The following METTL22 variants were observed in gnomAD, a reference collection of about 807,000 sequenced individuals.
METTL22 encodes methyltransferase-like protein 22.
METTL22 carries 51 observed loss-of-function variants against 48.4 expected under a neutral mutation model. That is an observed-to-expected ratio of 1.05 (90% confidence interval 0.84 to 1.33). METTL22 has a LOEUF of 1.33. Ranked by LOEUF, METTL22 falls within the 40% of genes most tolerant of loss-of-function variation. The pLI is 0.00. For missense variants in METTL22, 678 were observed against 526.9 expected (o/e 1.29, Z -2.81); for synonymous variants, 255 against 214.1 (o/e 1.19, Z -1.67).
intron 3 of METTL22, among the ~76,000 whole-genome samples, chr16:8,632,299 G>T (rs1482202792): frequency 6.6e-6 from 1 of 152,174 alleles, no homozygotes; most frequent in African/African-American, 2.4e-5. Flanking sequence ...AGCATCAGCA[G>T]AAAGCACATC....
chr16:8,633,082 G>A (rs1288521272), intron 3 of METTL22, among the ~76,000 whole-genome samples: 1 of 152,128 alleles, frequency 6.6e-6, no homozygotes, highest in Non-Finnish European at 1.5e-5. Context: ...CCAGGAGATG[G>A]CATGGGTGGG....
downstream of METTL22, among the ~76,000 whole-genome samples, chr16:8,652,497 G>A (rs994253062): frequency 7.0e-6 from 1 of 143,210 alleles, no homozygotes; most frequent in African/African-American, 2.6e-5. Flanking sequence ...GAGATGTAGT[G>A]TGTGCCCTTG....
rs1442698250 is a variant in METTL22 at position 8,628,924 on chromosome 16, G to A, written c.328G>A (p.Glu110Lys). ...LQAGTDTTGQ[E>K]VAEAQLDEDG... is the part of the protein sequence containing the mutation. ...GGCCGGGACTGACACCACTGGCCAG[G>A]AAGTGGCTGAAGCTCAGCTGGATGA... The change falls in exon 3 of 11, where the codon GAA (glutamate) becomes AAA (lysine). Residue 110 changes from glutamate to lysine, a missense_variant. Coordinates refer to ENST00000381920, the MANE Select transcript of METTL22 (RefSeq NM_024109.4). 5.6e-6 allele frequency: 9 copies of A among 1,613,946 alleles called. No homozygotes were observed. In the Admixed American group the frequency reaches 1.5e-4, roughly 27 times the overall value.
intron 3 of METTL22, 111 bp downstream of exon 3, chr16:8,629,221 T>C (rs754230680): frequency 1.8e-4 from 255 of 1,413,674 alleles, no homozygotes; most frequent in Non-Finnish European, 2.4e-4. Flanking sequence ...GCAGCACAGG[T>C]TATGAGAACC....
intron 5 of METTL22, among the ~76,000 whole-genome samples, chr16:8,637,959 G>A (rs2056472048): frequency 7.2e-6 from 1 of 138,602 alleles, no homozygotes; most frequent in Non-Finnish European, 1.5e-5. Flanking sequence ...CCAACACGGT[G>A]AAACCCCATC....
intron 3 of METTL22, among the ~76,000 whole-genome samples, chr16:8,632,508 C>G (rs979270879): frequency 4.6e-5 from 7 of 152,156 alleles, no homozygotes; most frequent in African/African-American, 1.7e-4. Flanking sequence ...CCGGCCATCT[C>G]GACACATTTT....
chr16:8,641,626 T>C (rs148998267), intron 7 of METTL22: 2 of 370,194 alleles, frequency 5.4e-6, no homozygotes, highest in South Asian at 4.1e-5. Context: ...GCTTGCTCTT[T>C]CTTTGTATAA....
At chr16:8,645,251 C>T (rs1379944185) in intron 10 of METTL22, among the ~76,000 whole-genome samples, 1 of 152,092 alleles carries the variant, frequency 6.6e-6, no homozygotes, top group Non-Finnish European at 1.5e-5. Flanking sequence ...CTGTGGAGAC[C>T]CGGGCCTAGT....
chr16:8,639,635 C>T (rs1262857967), intron 6 of METTL22: 1 of 189,622 alleles, frequency 5.3e-6, no homozygotes. Flanking sequence ...TGACAGTCTC[C>T]TTTCCAGCCC....
chr16:8,628,612 C>A, intron 2 of METTL22, 118 bp from the exon 3 acceptor site: 1 of 1,354,998 alleles, frequency 7.4e-7, no homozygotes, highest in Non-Finnish European at 9.8e-7. Context: ...ATTAGTATAT[C>A]TCTACCTGGC....
chr16:8,628,283 G>A (rs1056327748), intron 2 of METTL22, among the ~76,000 whole-genome samples: 6 of 152,168 alleles, frequency 3.9e-5, no homozygotes, highest in African/African-American at 1.2e-4. Context: ...CACAGTGTTC[G>A]GTGATGAATG....
intron 6 of METTL22, among the ~76,000 whole-genome samples, chr16:8,639,893 C>T (rs567529887): frequency 6.6e-6 from 1 of 152,092 alleles, no homozygotes; most frequent in Non-Finnish European, 1.5e-5. Context: ...CGCCCCCCAC[C>T]ACCAACAGCC....
intron 3 of METTL22, among the ~76,000 whole-genome samples, chr16:8,629,800 C>T (rs1391579460): frequency 1.3e-5 from 2 of 152,054 alleles, no homozygotes; most frequent in African/African-American, 2.4e-5. Flanking sequence ...CTAGAAACAC[C>T]GGGAGCAGTA....
chr16:8,660,843 A>G, the METTL22 span, among the ~76,000 whole-genome samples: 2 of 1,394 alleles, frequency 1.4e-3, no homozygotes, highest in African/African-American at 2.8e-3. Flanking sequence ...GAGGAGGGGG[A>G]GGAGGGGGAG....
chr16:8,642,090 G>A, intron 7 of METTL22, 37 bp from the exon 8 acceptor site: 5 of 1,520,852 alleles, frequency 3.3e-6, no homozygotes, highest in Non-Finnish European at 4.6e-6. Context: ...CAGGAGAGAA[G>A]GCAATGGGCA....
intron 6 of METTL22, 48 bp downstream of exon 6, chr16:8,639,210 G>A (rs765521681): frequency 2.5e-6 from 4 of 1,580,302 alleles, no homozygotes; most frequent in Non-Finnish European, 3.5e-6. Context: ...TCTCTGTTTA[G>A]CAGATAGGAC....
At chr16:8,658,737 A>G in the METTL22 span, among the ~76,000 whole-genome samples, 1 of 152,158 alleles carries the variant, frequency 6.6e-6, no homozygotes, top group African/African-American at 2.4e-5. Context: ...TTTTCAGTCC[A>G]GATTTGACCA....
intron 5 of METTL22, among the ~76,000 whole-genome samples, chr16:8,635,563 G>A (rs1332878456): frequency 3.9e-5 from 6 of 152,138 alleles, no homozygotes; most frequent in South Asian, 4.1e-4. Context: ...GGTGCCTAGC[G>A]CCCCTGCTGG....
chr16:8,636,953 G>A (rs2056442614), intron 5 of METTL22, among the ~76,000 whole-genome samples: 1 of 152,198 alleles, frequency 6.6e-6, no homozygotes, highest in South Asian at 2.1e-4. Flanking sequence ...GCTCCCCAGT[G>A]GTGACATCAC....
Sources: allele counts gnomAD v4.1 joint callset (sites outside exome capture counted in the v4.1 genomes callset), GRCh38; gene constraint gnomAD v4.1.1; transcripts MANE v1.5; gene names NCBI Gene and HGNC (gene_info 2026-07-23, HGNC 2026-07-21).